Variants in CTNND2 observed in about 807,000 individuals in gnomAD.
CTNND2 encodes catenin delta 2.
In CTNND2, 22 loss-of-function variants were observed where a neutral mutation model predicts 144.4. That is an observed-to-expected ratio of 0.15 (90% CI 0.11 to 0.22). The LOEUF is 0.22. Among genes scored for constraint, CTNND2 ranks in the 10% least tolerant of loss-of-function variants. The probability of loss-of-function intolerance (pLI) is 1.00; values close to 1 mark genes in which losing one functional copy is unlikely to be tolerated. For synonymous variants in CTNND2, 751 were observed against 695.6 expected (o/e 1.08, Z -1.25); for missense variants, 1,353 against 1,618.8 (o/e 0.84, Z 2.82).
chr5:11,859,692 C>T (rs1480616850), intron 1 of CTNND2, among the ~76,000 whole-genome samples: 2 of 152,108 alleles, frequency 1.3e-5, no homozygotes, highest in African/African-American at 4.8e-5. Flanking sequence ...GTAACTCACA[C>T]AAACCTCACA....
rs374179982 is a variant in CTNND2, at chr5:11,235,847, C to T, written c.1761+844G>A. Among the ~76,000 whole-genome samples the T allele has an allele frequency of 5.9e-5, 9 of 152,288 alleles. No individual in the cohort carries two copies. The East Asian group carries it at 1.7e-3, about 29-fold the overall frequency. On this transcript the variant is annotated intron_variant, in intron 10 of 21. Transcript: ENST00000304623. ...ATATCCCAATGCAAGCAAGCAAAAT[C>T]TATAATAAATTGCAATTTTATCTTC...
intron 12 of CTNND2, among the ~76,000 whole-genome samples, chr5:11,146,217 T>A (rs377165540): frequency 6.6e-6 from 1 of 152,234 alleles, no homozygotes; most frequent in Non-Finnish European, 1.5e-5. Flanking sequence ...ATTCAAGATA[T>A]GTTTGTGTGC....
rs1399441932 is a variant in CTNND2, at chr5:11,083,839, C to G, written c.2638-993G>C. 5 of 1,072,308 alleles carry G rather than the reference C, an allele frequency of 4.7e-6. No homozygotes were observed. In the East Asian group the frequency reaches 3.1e-4, roughly 67 times the overall value. The allele number at this position is 1,072,308 out of a possible 1,614,324, so 66.4% of individuals were successfully genotyped here. ...TCCCCCCACCAGGCCACCTCCACCC[C>G]CCTTCCCCCATGGGGGCAGGCACCC... On this transcript the variant is annotated intron_variant, in intron 15 of 21. Coordinates refer to ENST00000304623, the MANE Select transcript of CTNND2 (RefSeq NM_001332.4).
At chr5:11,371,820 G>A (rs1002644047) in intron 7 of CTNND2, among the ~76,000 whole-genome samples, 3 of 152,066 alleles carry the variant, frequency 2.0e-5, no homozygotes, top group African/African-American at 4.8e-5. Flanking sequence ...TCAGACTTAC[G>A]TTTGGAAGGA....
At chr5:11,162,097 G>A (rs905920035) in intron 11 of CTNND2, among the ~76,000 whole-genome samples, 2 of 152,060 alleles carry the variant, frequency 1.3e-5, no homozygotes, top group South Asian at 2.1e-4. Flanking sequence ...GGGTTGCAGT[G>A]AGCTGAGATC....
At chr5:11,472,758 A>G (rs1767348498) in intron 3 of CTNND2, among the ~76,000 whole-genome samples, 1 of 152,214 alleles carries the variant, frequency 6.6e-6, no homozygotes, top group African/African-American at 2.4e-5. Flanking sequence ...ATATTTTCTA[A>G]TTTGAAAAAG....
At chr5:11,744,218 A>G (rs2126770772) in intron 1 of CTNND2, among the ~76,000 whole-genome samples, 1 of 152,350 alleles carries the variant, frequency 6.6e-6, no homozygotes, top group South Asian at 2.1e-4. Flanking sequence ...TCTTAAAAAT[A>G]TTATTGAAAA....
chr5:11,775,641 TG>T (rs1262020933), intron 1 of CTNND2, among the ~76,000 whole-genome samples: 2 of 152,194 alleles, frequency 1.3e-5, no homozygotes, highest in Non-Finnish European at 2.9e-5. Context: ...GGACTGCGGT[TG>T]CTCGTAAGGG....
At chr5:11,649,742 T>C (rs977085303) in intron 2 of CTNND2, among the ~76,000 whole-genome samples, 10 of 152,200 alleles carry the variant, frequency 6.6e-5, no homozygotes, top group African/African-American at 2.4e-4. Context: ...TATCCAATCA[T>C]TTATGCTCTT....
chr5:11,710,394 G>A (rs1275320196), intron 2 of CTNND2, among the ~76,000 whole-genome samples: 2 of 152,098 alleles, frequency 1.3e-5, no homozygotes, highest in East Asian at 3.9e-4. Flanking sequence ...ACAAAAATTA[G>A]CTGGGCATGG....
chr5:11,065,397 A>T (rs1333278905), intron 16 of CTNND2, among the ~76,000 whole-genome samples: 1 of 152,174 alleles, frequency 6.6e-6, no homozygotes, highest in Admixed American at 6.5e-5. Flanking sequence ...TACTTTAAAT[A>T]TTTATCCCCA....
chr5:11,278,991 C>G (rs575014723), intron 9 of CTNND2, among the ~76,000 whole-genome samples: 1 of 152,124 alleles, frequency 6.6e-6, no homozygotes, highest in Non-Finnish European at 1.5e-5. Flanking sequence ...TCCAGTCTCA[C>G]GACTTTAAGT....
At chr5:11,684,469 T>C (rs1178309300) in intron 2 of CTNND2, among the ~76,000 whole-genome samples, 2 of 152,188 alleles carry the variant, frequency 1.3e-5, no homozygotes, top group Non-Finnish European at 2.9e-5. Context: ...AAGGATATTG[T>C]TTCATTGAAA....
At chr5:11,817,983 T>TG (rs937088977) in intron 1 of CTNND2, among the ~76,000 whole-genome samples, 6 of 42,074 alleles carry the variant, frequency 1.4e-4, no homozygotes, top group Non-Finnish European at 2.9e-4. Flanking sequence ...TATGAGGTGT[T>TG]TTTTTTTTTT....
intron 16 of CTNND2, among the ~76,000 whole-genome samples, chr5:11,065,791 C>A (rs945732169): frequency 3.9e-5 from 6 of 152,142 alleles, no homozygotes; most frequent in African/African-American, 1.4e-4. Context: ...ATATTTTACC[C>A]CAAAACATGT....
intron 9 of CTNND2, among the ~76,000 whole-genome samples, chr5:11,240,847 C>A (rs1561077304): frequency 6.9e-6 from 1 of 145,442 alleles, no homozygotes; most frequent in Admixed American, 6.8e-5. Context: ...CCAACACACA[C>A]CCAACACATA....
intron 12 of CTNND2, among the ~76,000 whole-genome samples, chr5:11,149,131 C>G (rs1757509949): frequency 6.6e-6 from 1 of 152,202 alleles, no homozygotes; most frequent in South Asian, 2.1e-4. Flanking sequence ...CGCCTCCTGG[C>G]AGGCCTCAAA....
At chr5:11,485,388 TG>T (rs1042414191) in intron 3 of CTNND2, among the ~76,000 whole-genome samples, 4 of 128,000 alleles carry the variant, frequency 3.1e-5, no homozygotes, top group African/African-American at 1.2e-4. Flanking sequence ...CGCGCGCGCG[TG>T]CGCGCGCACA....
At chr5:11,472,158 G>T (rs1004706949) in intron 3 of CTNND2, among the ~76,000 whole-genome samples, 2 of 151,884 alleles carry the variant, frequency 1.3e-5, no homozygotes, top group Non-Finnish European at 2.9e-5. Context: ...TTTTTTGGGG[G>T]GGATCCTCAC....
Sources: gnomAD v4.1 joint callset for allele counts (sites outside exome capture counted in the v4.1 genomes callset) on GRCh38, gnomAD v4.1.1 for gene constraint, MANE v1.5 for transcripts, NCBI Gene and HGNC (gene_info 2026-07-23, HGNC 2026-07-21) for gene names.